Variants in ZCCHC14 observed in about 807,000 individuals in gnomAD.
ZCCHC14 encodes the protein zinc finger CCHC-type containing 14.
A neutral mutation model predicts 85.0 loss-of-function variants in ZCCHC14; 16 were observed. The observed-to-expected ratio is 0.19, with a 90% CI of 0.13 to 0.29. ZCCHC14 has a LOEUF of 0.29. Among genes scored for constraint, ZCCHC14 ranks in the 10% least tolerant of loss-of-function variants. ZCCHC14 has a pLI of 1.00. For missense variants in ZCCHC14, 1,303 were observed against 1,443.5 expected, an observed-to-expected ratio of 0.90 and a Z score of 1.58; for synonymous variants, 775 against 630.7, an observed-to-expected ratio of 1.23 and a Z score of -3.43.
At chr16:87,418,665 T>C (rs997986416) in intron 7 of ZCCHC14, among the ~76,000 whole-genome samples, 182 bp downstream of exon 7, 7 of 152,342 alleles carry the variant, frequency 4.6e-5, no homozygotes, top group South Asian at 2.1e-4. Flanking sequence ...CTGATTCCAG[T>C]GGCTTAGAGA....
intron 2 of ZCCHC14, among the ~76,000 whole-genome samples, chr16:87,449,990 A>T (rs1330673223): frequency 1.3e-5 from 2 of 152,238 alleles, no homozygotes; most frequent in African/African-American, 4.8e-5. Context: ...GGCTGCACTG[A>T]ACTGAAAAAT....
chr16:87,447,917 G>A (rs779600296), intron 2 of ZCCHC14, among the ~76,000 whole-genome samples: 4 of 152,102 alleles, frequency 2.6e-5, no homozygotes, highest in African/African-American at 4.8e-5. Context: ...CTCTCCTGTG[G>A]CTTTGATGTG....
intron 1 of ZCCHC14, among the ~76,000 whole-genome samples, chr16:87,481,883 T>C (rs1003064841): frequency 3.3e-5 from 5 of 152,116 alleles, no homozygotes; most frequent in Non-Finnish European, 4.4e-5. Context: ...TTCTGGAGGC[T>C]GCAAAGTCCA....
intron 3 of ZCCHC14, among the ~76,000 whole-genome samples, chr16:87,424,098 T>C (rs1909244704): frequency 1.3e-5 from 2 of 152,304 alleles, no homozygotes; most frequent in African/African-American, 4.8e-5. Flanking sequence ...TTTATGCAAT[T>C]ATTCAGATAT....
At chr16:87,444,886 G>T (rs959809373) in intron 2 of ZCCHC14, among the ~76,000 whole-genome samples, 19 of 152,118 alleles carry the variant, frequency 1.2e-4, no homozygotes, top group African/African-American at 4.6e-4. Context: ...TTAGAGGGTG[G>T]TGACATCTCA....
intron 1 of ZCCHC14, among the ~76,000 whole-genome samples, chr16:87,460,644 G>A (rs1051899839): frequency 6.6e-6 from 1 of 152,004 alleles, no homozygotes; most frequent in Non-Finnish European, 1.5e-5. Context: ...GAGCCAAGAT[G>A]GTGACACTAC....
Position 87,460,104 on chromosome 16 carries a change from T to G in ZCCHC14, c.598A>C (p.Ser200Arg). 1 of 1,614,194 alleles carries G rather than the reference T, an allele frequency of 6.2e-7. No individual in the cohort carries two copies. Residue 200 changes from serine (S) to arginine (R), a missense_variant, in exon 2 of 13, where the codon AGC (serine) becomes CGC (arginine). Physicochemically the swap from Ser to Arg is moderately radical, Grantham distance 110. This residue lies in a region of ZCCHC14 where 389 missense variants were observed against 397.8 expected (regional missense o/e 0.98). Coordinates refer to ENST00000671377, the MANE Select transcript of ZCCHC14 (RefSeq NM_015144.3). ...TTCTCCAAACTATTACTGACACTGCTGACAGGGGCCTCAGTTCTTGGAGTG... is the reference window on the plus strand; with the variant it reads ...TTCTCCAAACTATTACTGACACTGCGGACAGGGGCCTCAGTTCTTGGAGTG... ...KITPRTEAPVSSVSNSLENAL... is the reference protein window; with the variant it reads ...KITPRTEAPVRSVSNSLENAL...
intron 6 of ZCCHC14, 98 bp from the exon 7 acceptor site, chr16:87,418,999 C>A: frequency 8.6e-7 from 1 of 1,164,106 alleles, no homozygotes; most frequent in South Asian, 1.4e-5. Flanking sequence ...TCTTGTTGCC[C>A]AGGCTGGAGA....
rs1156509441 is a variant in ZCCHC14, at chr16:87,459,308, T to C, written c.694+700A>G. Among the ~76,000 whole-genome samples the C allele has an allele frequency of 2.0e-5, 3 of 151,466 alleles. No individual in the cohort carries two copies. In the South Asian group the frequency reaches 6.3e-4, roughly 32 times the overall value. ...CTCTAGTGGTTAAGGATGATTTCCA[T>C]GTGGGGTGGGGAGGAGGGTGTAAAA... On this transcript the variant is annotated intron_variant, in intron 2 of 12. Coordinates refer to ENST00000671377, the MANE Select transcript of ZCCHC14 (RefSeq NM_015144.3).
At position 87,418,832 on chromosome 16, in the gene ZCCHC14, T is replaced by G; in HGVS notation, c.1100+15A>C. 1 of 1,611,598 alleles carries G rather than the reference T, an allele frequency of 6.2e-7. No homozygotes were observed. The highest frequency in any genetic ancestry group is 8.5e-7 in the Non-Finnish European group (1 of 1,178,004). Reference sequence around the variant, plus strand: ...GCTTATCTGAACTGTGCTGGTTACATAGAAGATTTCTCACCTTCCAGACAC... The same window carrying G: ...GCTTATCTGAACTGTGCTGGTTACAGAGAAGATTTCTCACCTTCCAGACAC... On this transcript the variant is annotated intron_variant, in intron 7 of 12. Coordinates refer to ENST00000671377, the MANE Select transcript of ZCCHC14 (RefSeq NM_015144.3).
At chr16:87,451,711 A>G (rs1042220580) in intron 2 of ZCCHC14, among the ~76,000 whole-genome samples, 1 of 152,234 alleles carries the variant, frequency 6.6e-6, no homozygotes, top group African/African-American at 2.4e-5. Flanking sequence ...GGGATGCTAC[A>G]GTCAGGGCCC....
chr16:87,486,215 A>C (rs558158025), intron 1 of ZCCHC14, among the ~76,000 whole-genome samples: 1 of 152,292 alleles, frequency 6.6e-6, no homozygotes, highest in Non-Finnish European at 1.5e-5. Context: ...CAACAGAAAT[A>C]CTACCACCAA....
rs576435945 is a variant in ZCCHC14 at position 87,441,362 on chromosome 16, C to T, written c.695-8161G>A. On this transcript the variant is annotated intron_variant, in intron 2 of 12. Transcript: ENST00000671377. ...TCACCTACATTATCTTAATATGCTT[C>T]ATCTTTCCCGGTTTTGTCTTGGGGT... Among the ~76,000 whole-genome samples, 3 of 152,346 alleles carry T rather than the reference C, an allele frequency of 2.0e-5. No individual in the cohort carries two copies. The East Asian group carries it at 5.8e-4, about 29-fold the overall frequency.
intron 2 of ZCCHC14, among the ~76,000 whole-genome samples, chr16:87,456,064 G>T (rs543685359): frequency 6.6e-6 from 1 of 152,194 alleles, no homozygotes; most frequent in South Asian, 2.1e-4. Context: ...CTAGGTGAAG[G>T]GTACTCACTG....
intron 3 of ZCCHC14, among the ~76,000 whole-genome samples, chr16:87,430,867 G>A (rs1173952208): frequency 6.6e-6 from 1 of 152,148 alleles, no homozygotes; most frequent in African/African-American, 2.4e-5. Context: ...AATCTGGCCA[G>A]GTGCACTCAT....
chr16:87,410,181 A>T lies in ZCCHC14; in HGVS notation c.*99T>A. On this transcript the variant is annotated 3_prime_UTR_variant, in exon 13 of 13. Transcript: ENST00000671377. ...AGGAAAAGTAAAGCACCTTTGGATTAAAAAGATTAAGCTCAACAGCAACTA... is the reference window on the plus strand; with the variant it reads ...AGGAAAAGTAAAGCACCTTTGGATTTAAAAGATTAAGCTCAACAGCAACTA... 1 of 592,240 alleles carries T rather than the reference A, an allele frequency of 1.7e-6. No individual in the cohort carries two copies. The allele number at this position is 592,240 out of a possible 1,614,324, so 36.7% of individuals were successfully genotyped here.
chr16:87,439,642 A>G lies in ZCCHC14; in HGVS notation c.695-6441T>C, dbSNP rs4074614. On this transcript the variant is annotated intron_variant, in intron 2 of 12. Coordinates refer to ENST00000671377, the MANE Select transcript of ZCCHC14 (RefSeq NM_015144.3). ...ATACATATATCAAAATATCACATAC[A>G]CCTCCAACCCAAAAGATGTAGGTAT... 2.0e-4 allele frequency among the ~76,000 whole-genome samples: 31 copies of G among 152,326 alleles called. No homozygotes were observed. The East Asian group carries it at 4.4e-3, about 22-fold the overall frequency.
rs1222847460 is a variant in ZCCHC14 at position 87,412,041 on chromosome 16, G to A, written c.2680C>T (p.Pro894Ser). 1 of 1,609,440 alleles carries A rather than the reference G, an allele frequency of 6.2e-7. No individual in the cohort carries two copies. The highest frequency in any genetic ancestry group is 1.7e-5 in the Admixed American group (1 of 60,016). Residue 894 changes from proline to serine, a missense_variant, in exon 12 of 13, where the codon CCT becomes TCT. By Grantham distance (74) the Pro-to-Ser change is moderately conservative. Around this residue, in one of 7 missense-constraint regions of ZCCHC14, gnomAD observed 797 missense variants for 730.8 expected, o/e 1.09. Coordinates refer to ENST00000671377, the MANE Select transcript of ZCCHC14 (RefSeq NM_015144.3). Reference sequence around the variant, plus strand: ...TGGTGGTGGTTCGGATTCGAGGCAGGAATGTTTCCTGTGGAGCCGCCACCG... The same window carrying A: ...TGGTGGTGGTTCGGATTCGAGGCAGAAATGTTTCCTGTGGAGCCGCCACCG... ...SGGGGSTGNI[P>S]ASNPNHHHHH...
intron 1 of ZCCHC14, among the ~76,000 whole-genome samples, chr16:87,490,464 T>G (rs1912702726): frequency 6.6e-6 from 1 of 152,176 alleles, no homozygotes; most frequent in Non-Finnish European, 1.5e-5. Context: ...GGCAGCAAAA[T>G]TTTGGCACTG....
Sources: allele counts gnomAD v4.1 joint callset (sites outside exome capture counted in the v4.1 genomes callset), GRCh38; gene constraint gnomAD v4.1.1; regional missense constraint gnomAD v4.1.1; transcripts MANE v1.5; gene names NCBI Gene and HGNC (gene_info 2026-07-23, HGNC 2026-07-21).